DIP2A: variants seen among roughly 807,000 people sequenced by gnomAD.
The protein encoded by DIP2A is disco-interacting protein 2 homolog A.
In DIP2A, 85 loss-of-function variants were observed where a neutral mutation model predicts 177.4. That is an observed-to-expected ratio of 0.48 (90% CI 0.40 to 0.57). The LOEUF (loss-of-function observed/expected upper bound fraction) is 0.57. Ranked by LOEUF, DIP2A falls within the 20% of genes least tolerant of loss-of-function variation. DIP2A has a pLI of 0.00. For missense variants in DIP2A, 1,791 were observed against 2,100.2 expected (o/e 0.85, Z 2.88); for synonymous variants, 886 against 881.8 (o/e 1.00, Z -0.08).
At chr21:46,515,668 C>T (rs957138132) in intron 8 of DIP2A, among the ~76,000 whole-genome samples, 1 of 152,090 alleles carries the variant, frequency 6.6e-6, no homozygotes, top group Non-Finnish European at 1.5e-5. Context: ...TCCCTTTTAC[C>T]TGGGACCACA....
At position 46,567,359 on chromosome 21, in the gene DIP2A, T is replaced by C. The variant is rs1285928643; in HGVS notation, c.4464-11T>C. 1 of 1,609,376 alleles carries C rather than the reference T, an allele frequency of 6.2e-7. No homozygotes were observed. The highest frequency in any genetic ancestry group is 2.2e-5 in the East Asian group (1 of 44,828). ...TGTATCCATGTGACCCAGTCTGTCTTCTCTCTGCAGTGCCGTATTCACCTG... is the reference window on the plus strand; with the variant it reads ...TGTATCCATGTGACCCAGTCTGTCTCCTCTCTGCAGTGCCGTATTCACCTG... On this transcript the variant is annotated splice_polypyrimidine_tract_variant and intron_variant, in intron 37 of 37. Transcript: ENST00000417564.
chr21:46,464,844 T>TTTTTTTTTTTTTTTTTTTTC (rs58546395), intron 1 of DIP2A, among the ~76,000 whole-genome samples: 2 of 111,218 alleles, frequency 1.8e-5, no homozygotes, highest in African/African-American at 8.4e-5. Context: ...TTTTTTTTTT[T>TTTTTTTTTTTTTTTTTTTTC]CAAGAAAACA....
chr21:46,526,328 C>A (rs1240505278), intron 8 of DIP2A, among the ~76,000 whole-genome samples: 2 of 151,614 alleles, frequency 1.3e-5, no homozygotes, highest in African/African-American at 4.9e-5. Flanking sequence ...TTTCTTGTGA[C>A]AGTCTCAAGT....
At chr21:46,543,257 T>A (rs2148824893) in intron 18 of DIP2A, among the ~76,000 whole-genome samples, 2 of 152,362 alleles carry the variant, frequency 1.3e-5, no homozygotes, top group Middle Eastern at 6.8e-3. Context: ...GTCACTTATT[T>A]ACTCATGGGG....
rs1302141889 is a variant in DIP2A at position 46,486,085 on chromosome 21, A to G, written c.163+1257A>G. 2.4e-4 allele frequency among the ~76,000 whole-genome samples: 11 copies of G among 46,068 alleles called. No homozygotes were observed. The East Asian group carries it at 4.2e-3, about 18-fold the overall frequency. 30.2% of individuals were successfully genotyped at this position (46,068 alleles called of 152,430 possible). On this transcript the variant is annotated intron_variant, in intron 2 of 37. Transcript: ENST00000417564. ...GACTTCATCTCAAAAAAAAAAAAAA[A>G]AAAAAAGAACTAAAGAACTAGTATC...
At chr21:46,566,775 C>A in intron 37 of DIP2A, 92 bp downstream of exon 37, 1 of 1,526,630 alleles carries the variant, frequency 6.6e-7, no homozygotes, top group Non-Finnish European at 8.9e-7. Flanking sequence ...AGAGCAAGGA[C>A]TGCTGGGCCC....
chr21:46,566,007 G>C (rs185423285), intron 36 of DIP2A, 120 bp downstream of exon 36: 39 of 1,105,658 alleles, frequency 3.5e-5, no homozygotes, highest in Admixed American at 2.2e-4. Flanking sequence ...TGCTCCTTGT[G>C]GGGGGAAGAT....
chr21:46,514,617 CTTTTTTTTTTT>C (rs752628688), intron 8 of DIP2A, among the ~76,000 whole-genome samples: 17 of 70,520 alleles, frequency 2.4e-4, no homozygotes, highest in African/African-American at 9.0e-4. Flanking sequence ...AACTTTTATT[CTTTTTTTTTTT>C]TTTTTTTTTT....
At position 46,551,890 on chromosome 21, in the gene DIP2A, C is replaced by G. The variant is rs565905423; in HGVS notation, c.3016C>G (p.Leu1006Val). 6.2e-6 allele frequency: 10 copies of G among 1,606,130 alleles called. No homozygotes were observed. In the East Asian group the frequency reaches 2.2e-4, roughly 36 times the overall value. The stretch of plus-strand genomic sequence containing the variant: ...CACTCCTGACCACCCGCTGTTCTTG[C>G]TGCTGAACGCCAAGGTGAGGCAGTG... Reference protein sequence around the residue: ...HTTPDHPLFLLLNAKGTVTST... With the variant: ...HTTPDHPLFLVLNAKGTVTST... The change falls in exon 25 of 38, where the codon CTG becomes GTG. Residue 1006 changes from leucine (L) to valine (V), a missense_variant. Coordinates refer to ENST00000417564, the MANE Select transcript of DIP2A (RefSeq NM_015151.4).
At chr21:46,582,056 C>G in the DIP2A span, among the ~76,000 whole-genome samples, 1 of 152,188 alleles carries the variant, frequency 6.6e-6, no homozygotes, top group African/African-American at 2.4e-5. Flanking sequence ...ATTATGTCTA[C>G]TGAGTTGTGG....
chr21:46,477,543 T>TTTTTTTTGTGTGTGTGTGTGTGTGTG (rs374607636), intron 1 of DIP2A, among the ~76,000 whole-genome samples: 3 of 87,132 alleles, frequency 3.4e-5, no homozygotes, highest in African/African-American at 1.3e-4. Context: ...AAAAAAAGAT[T>TTTTTTTTGTGTGTGTGTGTGTGTGTG]TGTGTGTGTG....
chr21:46,556,756 A>G lies in DIP2A; in HGVS notation c.3499-183A>G. On this transcript the variant is annotated intron_variant, in intron 29 of 37. Transcript: ENST00000417564. The surrounding 1 kb of genome is among the most constrained non-coding windows in gnomAD (Gnocchi z 4.5). Reference sequence around the variant, plus strand: ...TTGTTTCAAAGATTTTTAGTGTACCATTTCTTGGGTATTATTTAGGTTATA... The same window carrying G: ...TTGTTTCAAAGATTTTTAGTGTACCGTTTCTTGGGTATTATTTAGGTTATA... The G allele has an allele frequency of 3.6e-6, 2 of 556,264 alleles. No homozygotes were observed. Among genetic ancestry groups the G allele is most frequent in the South Asian group, 3.1e-5 (1 of 32,032 alleles). The allele number at this position is 556,264 out of a possible 1,614,324, so 34.5% of individuals were successfully genotyped here. A position where few individuals can be genotyped will look rare whatever the true frequency, so the allele number is the denominator to read the frequency against.
intron 5 of DIP2A, among the ~76,000 whole-genome samples, chr21:46,503,717 T>G (rs2057822855): frequency 6.6e-6 from 1 of 151,306 alleles, no homozygotes. Flanking sequence ...CCTTCCTTCC[T>G]TCCTTCTTTC....
chr21:46,459,591 C>T (rs1601262381), intron 1 of DIP2A, among the ~76,000 whole-genome samples: 1 of 141,422 alleles, frequency 7.1e-6, no homozygotes, highest in Non-Finnish European at 1.5e-5. Flanking sequence ...ACCCCGGGGA[C>T]CCCGCCCTTC....
chr21:46,463,604 G>T, intron 1 of DIP2A, among the ~76,000 whole-genome samples: 1 of 152,006 alleles, frequency 6.6e-6, no homozygotes. Flanking sequence ...AAAACTCTGG[G>T]TATACAGGAA....
intron 18 of DIP2A, among the ~76,000 whole-genome samples, chr21:46,542,527 G>A (rs760845745): frequency 6.6e-5 from 10 of 152,268 alleles, no homozygotes; most frequent in Non-Finnish European, 1.3e-4. Context: ...CTCTTCTGCA[G>A]AAGTTGGCTC....
intron 1 of DIP2A, among the ~76,000 whole-genome samples, chr21:46,475,986 A>T (rs2148363577): frequency 6.6e-6 from 1 of 152,266 alleles, no homozygotes; most frequent in African/African-American, 2.4e-5. Context: ...CTGTAATCCC[A>T]GCACTTCGGG....
chr21:46,540,892 A>G (rs1342297201), intron 17 of DIP2A, among the ~76,000 whole-genome samples: 3 of 151,770 alleles, frequency 2.0e-5, no homozygotes, highest in South Asian at 4.2e-4. Flanking sequence ...GCAGGTGCCT[A>G]TAGTCCCAGC....
chr21:46,475,893 T>C (rs181344083), intron 1 of DIP2A, among the ~76,000 whole-genome samples: 62 of 152,322 alleles, frequency 4.1e-4, no homozygotes, highest in Non-Finnish European at 4.4e-5. Flanking sequence ...AAATCATCTT[T>C]ATAAATCCTT....
Sources: allele counts gnomAD v4.1 joint callset (sites outside exome capture counted in the v4.1 genomes callset), GRCh38; gene constraint gnomAD v4.1.1; non-coding constraint Gnocchi (gnomAD v3.1); transcripts MANE v1.5; gene names NCBI Gene and HGNC (gene_info 2026-07-23, HGNC 2026-07-21).